FUT8: variants seen among roughly 807,000 people sequenced by gnomAD.
FUT8 encodes fucosyltransferase 8.
In FUT8, 29 loss-of-function variants were observed where a neutral mutation model predicts 71.3. That is an observed-to-expected ratio of 0.41 (90% CI 0.30 to 0.55). FUT8 has a LOEUF of 0.55. FUT8 is among the 20% of genes least tolerant of loss of function. FUT8 has a pLI of 0.34. For synonymous variants in FUT8, 254 were observed against 239.3 expected (o/e 1.06, Z -0.57); for missense variants, 544 against 702.1 (o/e 0.77, Z 2.55).
chr14:65,736,486 T>A (rs1269568335), intron 10 of FUT8, among the ~76,000 whole-genome samples: 2 of 151,800 alleles, frequency 1.3e-5, no homozygotes, highest in Non-Finnish European at 1.5e-5. Context: ...ACATTCAGCA[T>A]GTACAATTTC....
intron 2 of FUT8, among the ~76,000 whole-genome samples, chr14:65,534,061 C>G (rs1884128138): frequency 6.6e-6 from 1 of 152,100 alleles, no homozygotes; most frequent in South Asian, 2.1e-4. Context: ...CATCAGTGTT[C>G]ATCAAGGATA....
intron 6 of FUT8, among the ~76,000 whole-genome samples, chr14:65,659,769 C>T (rs938802031): frequency 2.0e-5 from 3 of 151,946 alleles, no homozygotes; most frequent in Admixed American, 1.3e-4. Flanking sequence ...TTATTTCCTC[C>T]TCTCCTCTTT....
chr14:65,411,912 T>G, upstream of FUT8: 1 of 383,000 alleles, frequency 2.6e-6, no homozygotes, highest in Non-Finnish European at 5.1e-6. Context: ...CCCGCTCAGC[T>G]GGCGGTCTGG....
chr14:65,439,968 A>ATATG (rs2065624290), intron 1 of FUT8, among the ~76,000 whole-genome samples: 1 of 131,550 alleles, frequency 7.6e-6, no homozygotes, highest in Non-Finnish European at 1.6e-5. Context: ...ATATATATAT[A>ATATG]TATATATATA....
chr14:65,373,950 G>T, the FUT8 span, among the ~76,000 whole-genome samples: 1 of 152,192 alleles, frequency 6.6e-6, no homozygotes, highest in Non-Finnish European at 1.5e-5. Context: ...GTTAAGAGGA[G>T]AAGAACCGGA....
At chr14:65,359,034 T>C in the FUT8 span, among the ~76,000 whole-genome samples, 2 of 152,226 alleles carry the variant, frequency 1.3e-5, no homozygotes, top group South Asian at 4.1e-4. Context: ...TATTCACACT[T>C]TTTCAGTTGC....
intron 9 of FUT8, 102 bp downstream of exon 9, chr14:65,724,425 A>G: frequency 1.4e-6 from 1 of 701,866 alleles, no homozygotes; most frequent in Non-Finnish European, 2.3e-6. Flanking sequence ...TATTATTGCT[A>G]ATTATTAGGG....
At chr14:65,496,250 G>T (rs1437186812) in intron 2 of FUT8, among the ~76,000 whole-genome samples, 15 of 152,088 alleles carry the variant, frequency 9.9e-5, no homozygotes, top group Admixed American at 9.8e-4. Flanking sequence ...ATTCCTTTTA[G>T]AATTATTATT....
intron 5 of FUT8, among the ~76,000 whole-genome samples, chr14:65,618,051 A>ATATGTATATATG (rs1889393155): frequency 1.2e-5 from 1 of 84,294 alleles, no homozygotes; most frequent in African/African-American, 3.9e-5. Flanking sequence ...ATATATATAT[A>ATATGTATATATG]TATGTATGTA....
chr14:65,419,719 C>T (rs540406748), intron 1 of FUT8, among the ~76,000 whole-genome samples: 72 of 152,200 alleles, frequency 4.7e-4, no homozygotes, highest in African/African-American at 1.6e-3. Flanking sequence ...TTAGGTTTTT[C>T]TTTCTCTCTT....
chr14:65,526,071 A>G (rs950162820), intron 2 of FUT8, among the ~76,000 whole-genome samples: 2 of 152,166 alleles, frequency 1.3e-5, no homozygotes, highest in Non-Finnish European at 2.9e-5. Flanking sequence ...GTAGATGTCT[A>G]TTAGGTCTGC....
intron 7 of FUT8, among the ~76,000 whole-genome samples, chr14:65,712,308 T>C (rs566340548): frequency 6.6e-6 from 1 of 152,372 alleles, no homozygotes; most frequent in East Asian, 1.9e-4. Flanking sequence ...TCATGATTTA[T>C]GGAAATTTAA....
At chr14:65,682,042 A>C (rs1893063164) in intron 7 of FUT8, among the ~76,000 whole-genome samples, 1 of 152,224 alleles carries the variant, frequency 6.6e-6, no homozygotes, top group Non-Finnish European at 1.5e-5. Context: ...TAAAATATTT[A>C]CTATCTGGCC....
intron 7 of FUT8, among the ~76,000 whole-genome samples, chr14:65,686,786 C>A (rs1178352025): frequency 6.6e-6 from 1 of 152,102 alleles, no homozygotes; most frequent in African/African-American, 2.4e-5. Flanking sequence ...AGCTGTATTT[C>A]CACTTTTATC....
At chr14:65,625,007 A>G (rs1889819675) in intron 5 of FUT8, among the ~76,000 whole-genome samples, 1 of 152,142 alleles carries the variant, frequency 6.6e-6, no homozygotes, top group South Asian at 2.1e-4. Context: ...CGGAGGTTGC[A>G]GTGAGCTGAG....
At chr14:65,504,967 A>G (rs145711856) in intron 2 of FUT8, among the ~76,000 whole-genome samples, 1 of 152,276 alleles carries the variant, frequency 6.6e-6, no homozygotes, top group East Asian at 1.9e-4. Context: ...AGGGAAAAAA[A>G]CCCCAACACA....
At chr14:65,665,940 A>G (rs1353781631) in intron 6 of FUT8, among the ~76,000 whole-genome samples, 2 of 152,108 alleles carry the variant, frequency 1.3e-5, no homozygotes, top group African/African-American at 4.8e-5. Context: ...GAGGGTGGAC[A>G]ATGGGAGGAG....
chr14:65,623,535 A>G (rs931453240), intron 5 of FUT8, among the ~76,000 whole-genome samples: 2 of 152,130 alleles, frequency 1.3e-5, no homozygotes, highest in African/African-American at 4.8e-5. Flanking sequence ...CCTGGCCAAC[A>G]TGGTGAAATC....
chr14:65,735,902 A>C (rs551645242), intron 10 of FUT8, among the ~76,000 whole-genome samples: 1 of 152,314 alleles, frequency 6.6e-6, no homozygotes, highest in South Asian at 2.1e-4. Context: ...ATTCCTTTAC[A>C]TAAACCAAAA....
Sources: allele counts gnomAD v4.1 joint callset (sites outside exome capture counted in the v4.1 genomes callset), GRCh38; gene constraint gnomAD v4.1.1; transcripts MANE v1.5; gene names NCBI Gene and HGNC (gene_info 2026-07-23, HGNC 2026-07-21).